The following SLC2A9 variants were observed in gnomAD, a reference collection of about 807,000 sequenced individuals.
The protein encoded by SLC2A9 is solute carrier family 2 member 9, also known as solute carrier family 2, facilitated glucose transporter member 9.
In SLC2A9, 39 loss-of-function variants were observed where a neutral mutation model predicts 50.6. The ratio of observed to expected loss-of-function variants is 0.77; its 90% CI spans 0.60 to 1.01. SLC2A9 has a LOEUF of 1.01. Ranked by LOEUF, SLC2A9 falls within the 50% of genes least tolerant of loss-of-function variation. The probability of loss-of-function intolerance (pLI) is 0.00; values close to 1 mark genes in which losing one functional copy is unlikely to be tolerated. For synonymous variants in SLC2A9, 324 were observed against 276.9 expected, an observed-to-expected ratio of 1.17 and a Z score of -1.69; for missense variants, 686 against 677.6, an observed-to-expected ratio of 1.01 and a Z score of -0.14.
At chr4:9,814,083 T>C (rs1723236129) in intron 3 of SLC2A9, among the ~76,000 whole-genome samples, 1 of 152,190 alleles carries the variant, frequency 6.6e-6, no homozygotes, top group South Asian at 2.1e-4. Context: ...GAGGTTGCAG[T>C]GAGCCAAGAT....
At chr4:9,985,886 A>G in intron 3 of SLC2A9, 93 bp from the exon 4 acceptor site, 4 of 1,567,586 alleles carry the variant, frequency 2.6e-6, no homozygotes, top group Non-Finnish European at 3.5e-6. Flanking sequence ...GCCCTTCTGA[A>G]GGGTGAGTAG....
At chr4:9,966,882 A>C (rs1578120424) in intron 5 of SLC2A9, among the ~76,000 whole-genome samples, 1 of 152,324 alleles carries the variant, frequency 6.6e-6, no homozygotes, top group Middle Eastern at 3.4e-3. Context: ...CATTAAAATC[A>C]TACATAGAAA....
At chr4:9,777,050 C>CT (rs1439092804), downstream of SLC2A9, among the ~76,000 whole-genome samples, 1 of 152,188 alleles carries the variant, frequency 6.6e-6, no homozygotes, top group Non-Finnish European at 1.5e-5. Context: ...GCTACTCCCT[C>CT]TTTTGTTATT....
At chr4:9,808,468 G>C (rs570997161) in intron 3 of SLC2A9, among the ~76,000 whole-genome samples, 6 of 152,202 alleles carry the variant, frequency 3.9e-5, no homozygotes, top group African/African-American at 1.4e-4. Flanking sequence ...GGATGGGCTT[G>C]GCTAGCAATT....
intron 5 of SLC2A9, among the ~76,000 whole-genome samples, chr4:9,976,106 G>A (rs761424573): frequency 2.6e-5 from 4 of 152,210 alleles, no homozygotes; most frequent in African/African-American, 7.2e-5. Flanking sequence ...GATAGATGGA[G>A]GGGAGGGATA....
At chr4:10,036,756 G>T (rs1450730341) in intron 1 of SLC2A9, among the ~76,000 whole-genome samples, 1 of 152,214 alleles carries the variant, frequency 6.6e-6, no homozygotes, top group Admixed American at 6.5e-5. Context: ...CCTTAGCACA[G>T]ATTTCAAGAA....
intron 5 of SLC2A9, among the ~76,000 whole-genome samples, chr4:9,955,623 A>G (rs895980451): frequency 6.6e-6 from 1 of 151,910 alleles, no homozygotes. Context: ...ACGCTTTTTA[A>G]TAAGCTTTCA....
chr4:9,925,238 C>A (rs1357239308), intron 6 of SLC2A9, among the ~76,000 whole-genome samples: 1 of 152,218 alleles, frequency 6.6e-6, no homozygotes. Flanking sequence ...TTCCGAGGAT[C>A]CCCTCAGCAG....
chr4:9,844,367 G>C (rs1176421366), intron 10 of SLC2A9, among the ~76,000 whole-genome samples: 1 of 152,012 alleles, frequency 6.6e-6, no homozygotes, highest in Non-Finnish European at 1.5e-5. Context: ...TCTATGTAAA[G>C]AATTGCCAAG....
chr4:10,030,166 T>G (rs1230109660), intron 1 of SLC2A9, among the ~76,000 whole-genome samples: 29 of 152,156 alleles, frequency 1.9e-4, no homozygotes, highest in Admixed American at 1.9e-3. Flanking sequence ...ATGATGAGCA[T>G]AGTTAATAAT....
chr4:9,852,150 G>T (rs923964569), intron 10 of SLC2A9, among the ~76,000 whole-genome samples: 7 of 152,036 alleles, frequency 4.6e-5, no homozygotes, highest in Admixed American at 1.3e-4. Flanking sequence ...GAGAGAAGAG[G>T]CAGGACACCA....
chr4:10,000,498 G>T (rs1230692977), intron 2 of SLC2A9, among the ~76,000 whole-genome samples: 1 of 152,172 alleles, frequency 6.6e-6, no homozygotes, highest in African/African-American at 2.4e-5. Flanking sequence ...ACTCAGTAAT[G>T]GCCAAGAATC....
chr4:9,922,387 G>C (rs1367847512), intron 6 of SLC2A9, among the ~76,000 whole-genome samples: 2 of 152,088 alleles, frequency 1.3e-5, no homozygotes, highest in Non-Finnish European at 1.5e-5. Context: ...ATACCTAGGT[G>C]ATGGGTTGAT....
At chr4:10,020,009 C>A (rs1443961308) in intron 1 of SLC2A9, among the ~76,000 whole-genome samples, 3 of 151,814 alleles carry the variant, frequency 2.0e-5, no homozygotes, top group South Asian at 4.2e-4. Flanking sequence ...CCGGAAGGCA[C>A]CTTCTTTGCC....
At chr4:9,864,777 T>C (rs960520696) in intron 10 of SLC2A9, among the ~76,000 whole-genome samples, 1 of 152,248 alleles carries the variant, frequency 6.6e-6, no homozygotes, top group African/African-American at 2.4e-5. Flanking sequence ...AAGGATGCTG[T>C]GGTAGACAGA....
At chr4:9,776,327 C>T (rs913736437), downstream of SLC2A9, among the ~76,000 whole-genome samples, 3 of 151,752 alleles carry the variant, frequency 2.0e-5, no homozygotes, top group Admixed American at 6.6e-5. Flanking sequence ...AAGTTTGTTC[C>T]GCAGGTCTTG....
At chr4:9,783,147 T>A in intron 3 of SLC2A9, 1 of 1,614,252 alleles carries the variant, frequency 6.2e-7, no homozygotes, top group Non-Finnish European at 8.5e-7. Flanking sequence ...GCCCAGCTGC[T>A]GGGGTGCAGC....
intron 2 of SLC2A9, among the ~76,000 whole-genome samples, chr4:10,009,964 T>G (rs1761478592): frequency 6.6e-6 from 1 of 152,248 alleles, no homozygotes; most frequent in South Asian, 2.1e-4. Context: ...GCCTGTGAAT[T>G]CTTGGGATTT....
chr4:9,781,096 G>A (rs1435205895), intron 3 of SLC2A9, among the ~76,000 whole-genome samples: 1 of 152,112 alleles, frequency 6.6e-6, no homozygotes, highest in Non-Finnish European at 1.5e-5. Flanking sequence ...GGGGGAAGCG[G>A]GAGCCTGTTC....
Sources: allele counts gnomAD v4.1 joint callset (sites outside exome capture counted in the v4.1 genomes callset), GRCh38; gene constraint gnomAD v4.1.1; transcripts MANE v1.5; gene names NCBI Gene and HGNC (gene_info 2026-07-23, HGNC 2026-07-21).